Variants in THSD7B observed in about 807,000 individuals in gnomAD.
The protein encoded by THSD7B is thrombospondin type-1 domain-containing protein 7B.
Under a neutral mutation model 213.6 loss-of-function variants are expected in THSD7B, and 138 were observed. That is an observed-to-expected ratio of 0.65 (90% CI 0.56 to 0.74). The LOEUF is 0.74. Among genes scored for constraint, THSD7B ranks in the 30% least tolerant of loss-of-function variants. The probability of loss-of-function intolerance (pLI) is 0.00; values close to 1 mark genes in which losing one functional copy is unlikely to be tolerated. For missense variants in THSD7B, 1,931 were observed against 1,991.5 expected, an observed-to-expected ratio of 0.97 and a Z score of 0.58; for synonymous variants, 742 against 687.0, an observed-to-expected ratio of 1.08 and a Z score of -1.25.
At chr2:137,601,491 T>C (rs1049575514) in intron 17 of THSD7B, among the ~76,000 whole-genome samples, 9 of 152,186 alleles carry the variant, frequency 5.9e-5, no homozygotes, top group Non-Finnish European at 1.2e-4. Flanking sequence ...AGCCTAGGAG[T>C]AATACACTAT....
At chr2:137,631,594 T>C (rs1413037332) in intron 20 of THSD7B, among the ~76,000 whole-genome samples, 1 of 152,202 alleles carries the variant, frequency 6.6e-6, no homozygotes, top group Non-Finnish European at 1.5e-5. Flanking sequence ...CTGTTTTTTC[T>C]AGGTTTCAAG....
At chr2:137,439,081 T>C (rs1687347691) in intron 14 of THSD7B, among the ~76,000 whole-genome samples, 1 of 152,050 alleles carries the variant, frequency 6.6e-6, no homozygotes, top group Non-Finnish European at 1.5e-5. Context: ...CTATAAACTT[T>C]AGAGGGAACA....
rs548642274 is a variant in THSD7B at position 136,939,861 on chromosome 2, C to G, written c.139+57544C>G. On this transcript the variant is annotated intron_variant, in intron 2 of 27. Coordinates refer to ENST00000409968, the MANE Select transcript of THSD7B (RefSeq NM_001316349.2). ...TGATTATTTAGCACATCCTCAACCT[C>G]CCTACCACCACCCCCCGACACACAC... Among the ~76,000 whole-genome samples, 4 of 152,224 alleles carry G rather than the reference C, an allele frequency of 2.6e-5. No individual in the cohort carries two copies. The East Asian group carries it at 5.8e-4, about 22-fold the overall frequency.
At chr2:137,197,134 G>A (rs1036716348) in intron 7 of THSD7B, among the ~76,000 whole-genome samples, 3 of 152,194 alleles carry the variant, frequency 2.0e-5, no homozygotes, top group Admixed American at 2.0e-4. Flanking sequence ...CAGAGTGACT[G>A]TGGGACTTTT....
At chr2:136,990,211 A>G (rs1558878839) in intron 2 of THSD7B, among the ~76,000 whole-genome samples, 1 of 147,258 alleles carries the variant, frequency 6.8e-6, no homozygotes, top group East Asian at 1.9e-4. Context: ...TAGAACTCTC[A>G]TTGATTGCAT....
At chr2:137,031,574 T>G (rs1268823284) in intron 2 of THSD7B, among the ~76,000 whole-genome samples, 1 of 152,054 alleles carries the variant, frequency 6.6e-6, no homozygotes, top group African/African-American at 2.4e-5. Context: ...AGTACCTAGC[T>G]CATAATAGGA....
intron 2 of THSD7B, among the ~76,000 whole-genome samples, chr2:136,930,437 G>C (rs1462430525): frequency 6.6e-6 from 1 of 152,190 alleles, no homozygotes; most frequent in Non-Finnish European, 1.5e-5. Flanking sequence ...GGATAAGGGA[G>C]GGCCAGCCAC....
chr2:137,322,570 T>C (rs1306573691), intron 12 of THSD7B, among the ~76,000 whole-genome samples: 1 of 152,154 alleles, frequency 6.6e-6, no homozygotes, highest in Non-Finnish European at 1.5e-5. Context: ...ATCAAGACAG[T>C]GTGGGACCAG....
At chr2:137,084,257 G>T (rs1687798662) in intron 3 of THSD7B, among the ~76,000 whole-genome samples, 1 of 152,064 alleles carries the variant, frequency 6.6e-6, no homozygotes, top group Non-Finnish European at 1.5e-5. Context: ...TTACATGACA[G>T]TGAAATAATA....
At chr2:137,282,837 A>G (rs1309350417) in intron 12 of THSD7B, among the ~76,000 whole-genome samples, 4 of 151,696 alleles carry the variant, frequency 2.6e-5, no homozygotes, top group African/African-American at 7.3e-5. Flanking sequence ...GTCAGGTAGC[A>G]TGATGCCTCC....
At position 137,275,959 on chromosome 2, in the gene THSD7B, G is replaced by A; in HGVS notation, c.2433G>A (p.Val811=). 1 of 1,612,278 alleles carries A rather than the reference G, an allele frequency of 6.2e-7. No homozygotes were observed. The highest frequency in any genetic ancestry group is 8.5e-7 in the Non-Finnish European group (1 of 1,178,934). Residue 811 remains valine (V), a synonymous_variant, in exon 12 of 28, where the codon GTG becomes GTA. Transcript: ENST00000409968. Reference sequence around the variant, plus strand: ...AGAAATGGAGCCCTTGCATCTTAGTGCCAGAGTCTGTCTGGCAGGGAATAA... The same window carrying A: ...AGAAATGGAGCCCTTGCATCTTAGTACCAGAGTCTGTCTGGCAGGGAATAA... ...KPQKWSPCIL[V]PESVWQGITG...
intron 15 of THSD7B, among the ~76,000 whole-genome samples, chr2:137,501,192 G>T (rs1679695509): frequency 6.6e-6 from 1 of 151,432 alleles, no homozygotes; most frequent in Non-Finnish European, 1.5e-5. Flanking sequence ...GCCCCTTTTG[G>T]AATAAGATGC....
At chr2:137,637,285 T>A (rs1247381807) in intron 20 of THSD7B, among the ~76,000 whole-genome samples, 1 of 152,184 alleles carries the variant, frequency 6.6e-6, no homozygotes, top group Non-Finnish European at 1.5e-5. Flanking sequence ...GTTATTAGAT[T>A]TTTTTTATTT....
intron 2 of THSD7B, among the ~76,000 whole-genome samples, chr2:136,920,256 C>T (rs1684411850): frequency 6.6e-6 from 1 of 152,174 alleles, no homozygotes; most frequent in Non-Finnish European, 1.5e-5. Flanking sequence ...GAATAGTTCT[C>T]AGGAGACCCA....
intron 14 of THSD7B, among the ~76,000 whole-genome samples, chr2:137,433,247 G>C (rs971448853): frequency 6.6e-6 from 1 of 152,172 alleles, no homozygotes; most frequent in African/African-American, 2.4e-5. Flanking sequence ...GATCTAAAAA[G>C]TGAAGGATAA....
At chr2:137,550,124 C>T (rs1680817530) in intron 15 of THSD7B, among the ~76,000 whole-genome samples, 1 of 152,002 alleles carries the variant, frequency 6.6e-6, no homozygotes, top group Non-Finnish European at 1.5e-5. Context: ...CCCTCTCTCA[C>T]TCTACTTGCT....
chr2:137,139,795 A>G (rs769846705), intron 5 of THSD7B, among the ~76,000 whole-genome samples: 1 of 152,140 alleles, frequency 6.6e-6, no homozygotes, highest in Non-Finnish European at 1.5e-5. Flanking sequence ...TGCTGTTGGC[A>G]ATTTATTCCT....
intron 1 of THSD7B, among the ~76,000 whole-genome samples, chr2:136,771,718 G>C (rs934495953): frequency 7.2e-5 from 11 of 152,112 alleles, no homozygotes; most frequent in African/African-American, 2.7e-4. Context: ...ATGTTTGATT[G>C]AATCTATTTT....
At chr2:137,292,128 C>G (rs1468599016) in intron 12 of THSD7B, among the ~76,000 whole-genome samples, 1 of 152,122 alleles carries the variant, frequency 6.6e-6, no homozygotes, top group East Asian at 1.9e-4. Context: ...TTACACAGAT[C>G]TAATTTGAAA....
Sources: gnomAD v4.1 joint callset for allele counts (sites outside exome capture counted in the v4.1 genomes callset) on GRCh38, gnomAD v4.1.1 for gene constraint, MANE v1.5 for transcripts, NCBI Gene and HGNC (gene_info 2026-07-23, HGNC 2026-07-21) for gene names.